Variants in PEF1 observed in about 807,000 individuals in gnomAD.
PEF1 encodes the protein penta-EF-hand domain containing 1, also known as peflin.
Under a neutral mutation model 32.0 loss-of-function variants are expected in PEF1, and 17 were observed. The ratio of observed to expected loss-of-function variants is 0.53; its 90% confidence interval spans 0.36 to 0.80. PEF1 has a LOEUF of 0.80. PEF1 is among the 30% of genes least tolerant of loss of function. The probability of loss-of-function intolerance (pLI) is 0.00; values close to 1 mark genes in which losing one functional copy is unlikely to be tolerated. For synonymous variants in PEF1, 130 were observed against 139.8 expected, an observed-to-expected ratio of 0.93 and a Z score of 0.50; for missense variants, 362 against 369.1, an observed-to-expected ratio of 0.98 and a Z score of 0.16.
Position 31,630,758 on chromosome 1 carries a change from G to C in PEF1, c.710C>G (p.Ala237Gly). ...CTGGATGAAGCGGTCAAGCTGCATG[G>C]CAGGATTGGCAGAGCGTGGGCAGTA... ...SRYCPRSANPAMQLDRFIQVC... is the reference protein window; with the variant it reads ...SRYCPRSANPGMQLDRFIQVC... Residue 237 changes from alanine (A) to glycine (G), a missense_variant, in exon 5 of 5, where the codon GCC (alanine) becomes GGC (glycine). Physicochemically the swap from Ala to Gly is moderately conservative, Grantham distance 60. Transcript: ENST00000373703. 1 of 1,614,112 alleles carries C rather than the reference G, an allele frequency of 6.2e-7. No homozygotes were observed. Among genetic ancestry groups the C allele is most frequent in the Non-Finnish European group, 8.5e-7 (1 of 1,180,042 alleles).
chr1:31,635,201 G>A (rs1640220055), intron 2 of PEF1, 21 bp downstream of exon 2: 1 of 1,611,740 alleles, frequency 6.2e-7, no homozygotes, highest in East Asian at 2.2e-5. Flanking sequence ...GAGGTACCCG[G>A]AGTCCAAGAT....
intron 1 of PEF1, among the ~76,000 whole-genome samples, chr1:31,641,138 T>C (rs1640381530): frequency 1.3e-5 from 2 of 152,188 alleles, no homozygotes; most frequent in African/African-American, 4.8e-5. Flanking sequence ...CAGACCCACA[T>C]ATCCAGCAGC....
chr1:31,635,491 C>G lies in PEF1; in HGVS notation c.56G>C (p.Gly19Ala), dbSNP rs768248106. Residue 19 changes from glycine to alanine, a missense_variant, in exon 2 of 5, where the codon GGA becomes GCA. Gly to Ala is a moderately conservative substitution (Grantham distance 60). Transcript: ENST00000373703. ...GCPGAAGQAPGAPPGSYYPGP... is the reference protein window; with the variant it reads ...GCPGAAGQAPAAPPGSYYPGP... ...AGGGTAGTAGCTACCCGGAGGGGCT[C>G]CTGGTGCTTGTCCTGCAGCTCCTGG... The G allele has an allele frequency of 1.3e-6, 2 of 1,522,592 alleles. No individual in the cohort carries two copies. Among genetic ancestry groups the G allele is most frequent in the Non-Finnish European group, 1.8e-6 (2 of 1,135,074 alleles). The allele number at this position is 1,522,592 out of a possible 1,614,324, so 94.3% of individuals were successfully genotyped here.
At chr1:31,641,494 C>T (rs1277692248) in intron 1 of PEF1, among the ~76,000 whole-genome samples, 1 of 152,202 alleles carries the variant, frequency 6.6e-6, no homozygotes, top group Non-Finnish European at 1.5e-5. Context: ...CCTTTGGGAT[C>T]TGGCCCTTGC....
intron 1 of PEF1, among the ~76,000 whole-genome samples, chr1:31,636,684 C>T (rs778148289): frequency 1.3e-5 from 2 of 152,172 alleles, no homozygotes; most frequent in Admixed American, 1.3e-4. Flanking sequence ...ACAAATTAAG[C>T]ACTCAATAAA....
intron 1 of PEF1, among the ~76,000 whole-genome samples, chr1:31,642,152 G>A (rs1044114046): frequency 2.6e-5 from 4 of 152,254 alleles, no homozygotes; most frequent in Admixed American, 6.5e-5. Context: ...AGAACTGCTT[G>A]AACCCGGGAG....
chr1:31,636,537 T>A (rs1640258689), intron 1 of PEF1, among the ~76,000 whole-genome samples: 2 of 152,204 alleles, frequency 1.3e-5, no homozygotes, highest in Admixed American at 1.3e-4. Context: ...TTCTGCCATT[T>A]ACTAACTGGA....
At chr1:31,643,693 C>A (rs760011231) in intron 1 of PEF1, among the ~76,000 whole-genome samples, 2 of 152,226 alleles carry the variant, frequency 1.3e-5, no homozygotes, top group African/African-American at 4.8e-5. Flanking sequence ...CAAGACTGCA[C>A]TCCCTGGAAG....
At chr1:31,637,173 C>CCCCG (rs1640274117) in intron 1 of PEF1, among the ~76,000 whole-genome samples, 1 of 127,556 alleles carries the variant, frequency 7.8e-6, no homozygotes, top group African/African-American at 2.7e-5. Context: ...CCCTGTCACC[C>CCCCG]ACTCAGCAAT....
intron 2 of PEF1, 36 bp downstream of exon 2, chr1:31,635,186 C>T (rs773916522): frequency 5.0e-6 from 8 of 1,606,290 alleles, no homozygotes; most frequent in African/African-American, 4.0e-5. Context: ...CTCAGAACCA[C>T]GTCAGAGGTA....
chr1:31,630,430 C>T lies in PEF1; in HGVS notation c.*183G>A, dbSNP rs953331710. The stretch of plus-strand genomic sequence containing the variant: ...GCCCCTATCTGTGTGGCCTCAGCCC[C>T]GGTCCTCACTATTTGGTGGCTATGA... On this transcript the variant is annotated 3_prime_UTR_variant, in exon 5 of 5. Coordinates refer to ENST00000373703, the MANE Select transcript of PEF1 (RefSeq NM_012392.4). 9 of 652,910 alleles carry T rather than the reference C, an allele frequency of 1.4e-5. No homozygotes were observed. In the East Asian group the frequency reaches 1.9e-4, roughly 14 times the overall value. The allele number at this position is 652,910 out of a possible 1,614,324, so 40.4% of individuals were successfully genotyped here.
chr1:31,643,774 T>C (rs922771892), intron 1 of PEF1, among the ~76,000 whole-genome samples: 1 of 152,254 alleles, frequency 6.6e-6, no homozygotes, highest in African/African-American at 2.4e-5. Context: ...GATCTTGTTT[T>C]CCCACATTTC....
intron 2 of PEF1, 101 bp from the exon 3 acceptor site, chr1:31,633,415 A>T: frequency 1.1e-5 from 14 of 1,261,840 alleles, no homozygotes; most frequent in Non-Finnish European, 1.5e-5. Flanking sequence ...AGCTTCACAA[A>T]TTCACCTTCC....
chr1:31,635,353 C>A lies in PEF1; in HGVS notation c.194G>T (p.Gly65Val). 1.2e-6 allele frequency: 2 copies of A among 1,613,890 alleles called. No homozygotes were observed. The highest frequency in any genetic ancestry group is 1.7e-6 in the Non-Finnish European group (2 of 1,179,902). Reference sequence around the variant, plus strand: ...GGGGAACATCCCAGGATTGGGGTGTCCATAGGGCCCTCCACCAGCTGGTGG... The same window carrying A: ...GGGGAACATCCCAGGATTGGGGTGTACATAGGGCCCTCCACCAGCTGGTGG... Reference protein sequence around the residue: ...YGPPAGGGPYGHPNPGMFPSG... With the variant: ...YGPPAGGGPYVHPNPGMFPSG... The change falls in exon 2 of 5, where the codon GGA becomes GTA. Residue 65 changes from glycine (G) to valine (V), a missense_variant. By Grantham distance (109) the Gly-to-Val change is moderately radical. Transcript: ENST00000373703.
At chr1:31,637,639 T>A in intron 1 of PEF1, among the ~76,000 whole-genome samples, 1 of 57,160 alleles carries the variant, frequency 1.7e-5, no homozygotes. Context: ...GGAGACCCTG[T>A]CTCCAAAAAA....
intron 1 of PEF1, among the ~76,000 whole-genome samples, chr1:31,637,458 A>G (rs1469849130): frequency 1.3e-5 from 2 of 152,148 alleles, no homozygotes; most frequent in Non-Finnish European, 2.9e-5. Context: ...CAACCTGGGC[A>G]ACATAGTAAG....
chr1:31,631,459 T>C (rs1378192325), intron 4 of PEF1, among the ~76,000 whole-genome samples: 1 of 152,192 alleles, frequency 6.6e-6, no homozygotes, highest in Non-Finnish European at 1.5e-5. Context: ...GTCTCTTCAC[T>C]GGGATGCTTC....
chr1:31,644,318 G>T, intron 1 of PEF1: 1 of 959,270 alleles, frequency 1.0e-6, no homozygotes, highest in Non-Finnish European at 1.2e-6. Flanking sequence ...GTCTTCTCGG[G>T]GTTCACTTTT....
chr1:31,641,451 T>G (rs1273263112), intron 1 of PEF1, among the ~76,000 whole-genome samples: 1 of 152,180 alleles, frequency 6.6e-6, no homozygotes, highest in African/African-American at 2.4e-5. Context: ...ACTCTTAGGA[T>G]GAAGTCACAC....
Sources: allele counts gnomAD v4.1 joint callset (sites outside exome capture counted in the v4.1 genomes callset), GRCh38; gene constraint gnomAD v4.1.1; transcripts MANE v1.5; gene names NCBI Gene and HGNC (gene_info 2026-07-23, HGNC 2026-07-21).